ZNF804B: variants seen among roughly 807,000 people sequenced by gnomAD.
ZNF804B encodes the protein zinc finger 804B.
ZNF804B carries 80 observed loss-of-function variants against 101.4 expected under a neutral mutation model. That is an observed-to-expected ratio of 0.79 (90% CI 0.66 to 0.95). The LOEUF (loss-of-function observed/expected upper bound fraction) is 0.95, where lower values mean the gene tolerates loss of function less well. Ranked by LOEUF, ZNF804B falls within the 40% of genes least tolerant of loss-of-function variation. ZNF804B has a pLI of 0.00. For missense variants in ZNF804B, 1,673 were observed against 1,561.9 expected (o/e 1.07, Z -1.20); for synonymous variants, 622 against 558.8 (o/e 1.11, Z -1.59).
intron 3 of ZNF804B, 101 bp downstream of exon 3, chr7:89,327,575 A>T: frequency 6.9e-7 from 1 of 1,444,464 alleles, no homozygotes; most frequent in East Asian, 2.5e-5. Context: ...ATAATAACTA[A>T]CTAATAGATA....
At chr7:89,200,025 T>G (rs1788608398) in intron 1 of ZNF804B, among the ~76,000 whole-genome samples, 1 of 151,198 alleles carries the variant, frequency 6.6e-6, no homozygotes, top group Non-Finnish European at 1.5e-5. Context: ...CTTTGTGTGG[T>G]GCTCAGAACT....
chr7:88,863,206 A>C (rs756571210), intron 1 of ZNF804B, among the ~76,000 whole-genome samples: 1 of 152,036 alleles, frequency 6.6e-6, no homozygotes, highest in Non-Finnish European at 1.5e-5. Flanking sequence ...CTCTCTCCCT[A>C]CAATGCTCTG....
rs1215246589 is a variant in ZNF804B, at chr7:89,171,288, G to GCTGCTGCTGCTTCTTCTT, written c.109-46865_109-46864insGCTGCTGCTTCTTCTTCT. Among the ~76,000 whole-genome samples the GCTGCTGCTGCTTCTTCTT allele has an allele frequency of 2.6e-3, 211 of 82,500 alleles. 2 individuals are homozygous for GCTGCTGCTGCTTCTTCTT. Among genetic ancestry groups the GCTGCTGCTGCTTCTTCTT allele is most frequent in the African/African-American group, 8.5e-3 (176 of 20,634 alleles). The allele number at this position is 82,500 out of a possible 152,430, so 54.1% of individuals were successfully genotyped here. The stretch of plus-strand genomic sequence containing the variant: ...AGTAGGCACAAATAATGCTGCTGCT[G>GCTGCTGCTGCTTCTTCTT]CTTCTTCTTCTTCTTCTTCTTCTTC... On this transcript the variant is annotated intron_variant, in intron 1 of 3. Coordinates refer to ENST00000333190, the MANE Select transcript of ZNF804B (RefSeq NM_181646.5).
chr7:88,851,027 C>G (rs1791444668), intron 1 of ZNF804B, among the ~76,000 whole-genome samples: 1 of 151,888 alleles, frequency 6.6e-6, no homozygotes, highest in South Asian at 2.1e-4. Context: ...TTGAGATTAA[C>G]AGAAGATTAA....
At chr7:89,262,359 A>G (rs1209138438) in intron 2 of ZNF804B, among the ~76,000 whole-genome samples, 2 of 152,150 alleles carry the variant, frequency 1.3e-5, no homozygotes, top group African/African-American at 4.8e-5. Context: ...GCAGTTTAGC[A>G]TAATGGTTAA....
At chr7:88,993,889 A>T (rs1015981623) in intron 1 of ZNF804B, among the ~76,000 whole-genome samples, 1 of 152,006 alleles carries the variant, frequency 6.6e-6, no homozygotes, top group Admixed American at 6.6e-5. Flanking sequence ...ACAAGTGATT[A>T]TACAGGCTCT....
chr7:89,244,242 A>G (rs1236376855), intron 2 of ZNF804B, among the ~76,000 whole-genome samples: 1 of 152,066 alleles, frequency 6.6e-6, no homozygotes, highest in African/African-American at 2.4e-5. Context: ...TATCTCTCAG[A>G]ATTTGCTATA....
rs149590585 is a variant in ZNF804B, at chr7:88,929,145, C to CAGA, written c.108+169062_108+169064dup. ...CTAGATAAGCTCTCTTTATCATATACAGATCTCTTGCTGGAAGATCTCCTG... is the reference window on the plus strand; with the variant it reads ...CTAGATAAGCTCTCTTTATCATATACAGAAGATCTCTTGCTGGAAGATCTCCTG... On this transcript the variant is annotated intron_variant, in intron 1 of 3. Coordinates refer to ENST00000333190, the MANE Select transcript of ZNF804B (RefSeq NM_181646.5). Among the ~76,000 whole-genome samples the CAGA allele has an allele frequency of 3.8e-3, 575 of 151,934 alleles. 4 individuals are homozygous for CAGA. The highest frequency in any genetic ancestry group is 0.013 in the African/African-American group (546 of 41,500).
At chr7:89,294,053 A>G (rs1437201657) in intron 2 of ZNF804B, among the ~76,000 whole-genome samples, 1 of 152,190 alleles carries the variant, frequency 6.6e-6, no homozygotes, top group Non-Finnish European at 1.5e-5. Flanking sequence ...GTCAAGGCTC[A>G]CATTCTTTCT....
At chr7:88,818,866 A>G (rs907019944) in intron 1 of ZNF804B, among the ~76,000 whole-genome samples, 1 of 152,194 alleles carries the variant, frequency 6.6e-6, no homozygotes, top group African/African-American at 2.4e-5. Flanking sequence ...TGTCAGGTCT[A>G]TCACAATATT....
intron 1 of ZNF804B, among the ~76,000 whole-genome samples, chr7:88,888,810 T>A (rs1792172890): frequency 6.6e-6 from 1 of 152,160 alleles, no homozygotes; most frequent in Non-Finnish European, 1.5e-5. Flanking sequence ...CAACTTTTGT[T>A]TTAAAGTCAC....
At chr7:89,096,060 C>T (rs1361061871) in intron 1 of ZNF804B, among the ~76,000 whole-genome samples, 2 of 151,114 alleles carry the variant, frequency 1.3e-5, no homozygotes, top group African/African-American at 4.9e-5. Context: ...GAGGCTGAGG[C>T]AGGAGAATGG....
At chr7:88,778,380 C>A (rs4352770) in intron 1 of ZNF804B, among the ~76,000 whole-genome samples, 74,728 of 152,054 alleles carry the variant, frequency 0.49, 21,745 homozygotes, top group East Asian at 0.79. Flanking sequence ...AGTTTTAATC[C>A]CATCTATAAA....
At chr7:89,097,540 T>G (rs1013715842) in intron 1 of ZNF804B, among the ~76,000 whole-genome samples, 7 of 152,186 alleles carry the variant, frequency 4.6e-5, no homozygotes, top group Non-Finnish European at 1.0e-4. Flanking sequence ...GACTATTTCT[T>G]AAATAGAATA....
At chr7:89,248,282 G>T (rs1167723054) in intron 2 of ZNF804B, among the ~76,000 whole-genome samples, 2 of 151,638 alleles carry the variant, frequency 1.3e-5, no homozygotes, top group East Asian at 3.9e-4. Flanking sequence ...TATACAAAAC[G>T]AACAACACCA....
chr7:88,774,335 G>T (rs1790112905), intron 1 of ZNF804B, among the ~76,000 whole-genome samples: 1 of 151,968 alleles, frequency 6.6e-6, no homozygotes, highest in African/African-American at 2.4e-5. Context: ...AGTACCAAAA[G>T]TGTGATCAGC....
At chr7:88,897,177 C>T (rs1289944189) in intron 1 of ZNF804B, among the ~76,000 whole-genome samples, 1 of 152,152 alleles carries the variant, frequency 6.6e-6, no homozygotes, top group African/African-American at 2.4e-5. Flanking sequence ...AGGAACTTTG[C>T]AGAGAGGCTT....
chr7:88,908,033 A>G (rs544148006), intron 1 of ZNF804B, among the ~76,000 whole-genome samples: 1 of 152,002 alleles, frequency 6.6e-6, no homozygotes, highest in East Asian at 1.9e-4. Flanking sequence ...CAGTTAATCA[A>G]TAACATTTAC....
At chr7:89,024,297 G>A (rs1788712731) in intron 1 of ZNF804B, among the ~76,000 whole-genome samples, 1 of 152,146 alleles carries the variant, frequency 6.6e-6, no homozygotes, top group Non-Finnish European at 1.5e-5. Flanking sequence ...ACAAAGAAGT[G>A]TATTTCATTG....
Sources: allele counts gnomAD v4.1 joint callset (sites outside exome capture counted in the v4.1 genomes callset), GRCh38; gene constraint gnomAD v4.1.1; transcripts MANE v1.5; gene names NCBI Gene and HGNC (gene_info 2026-07-23, HGNC 2026-07-21).